The following CELF2 variants were observed in gnomAD, a reference collection of about 807,000 sequenced individuals.
CELF2 encodes CUGBP Elav-like family member 2.
In CELF2, 8 loss-of-function variants were observed where a neutral mutation model predicts 62.6. The observed-to-expected ratio is 0.13, with a 90% confidence interval of 0.07 to 0.23. The LOEUF (loss-of-function observed/expected upper bound fraction) is 0.23. Ranked by LOEUF, CELF2 falls within the 10% of genes least tolerant of loss-of-function variation. The pLI, the probability that CELF2 is intolerant of heterozygous loss-of-function variation, is 1.00. For missense variants in CELF2, 333 were observed against 671.0 expected (o/e 0.50, Z 5.56); for synonymous variants, 258 against 250.0 (o/e 1.03, Z -0.30).
chr10:10,584,957 TA>T, the CELF2 span, among the ~76,000 whole-genome samples: 3 of 152,058 alleles, frequency 2.0e-5, no homozygotes, highest in African/African-American at 7.2e-5. Flanking sequence ...TTGAGAGAAG[TA>T]AGTTTGATTT....
At chr10:10,509,700 A>C in the CELF2 span, among the ~76,000 whole-genome samples, 1 of 152,196 alleles carries the variant, frequency 6.6e-6, no homozygotes, top group Admixed American at 6.5e-5. Flanking sequence ...CTCTGCTGCC[A>C]TCTCTTGTCA....
chr10:11,041,226 GC>G (rs1437170384), intron 1 of CELF2, among the ~76,000 whole-genome samples: 1 of 152,138 alleles, frequency 6.6e-6, no homozygotes, highest in Non-Finnish European at 1.5e-5. Context: ...CTTCCCAAAG[GC>G]CCCACTTCCT....
chr10:11,172,466 G>T (rs1171236557), intron 2 of CELF2, among the ~76,000 whole-genome samples: 2 of 152,202 alleles, frequency 1.3e-5, no homozygotes, highest in Non-Finnish European at 2.9e-5. Flanking sequence ...TCTAGCCATT[G>T]TGCTGATTGA....
intron 2 of CELF2, among the ~76,000 whole-genome samples, chr10:11,176,178 C>G (rs1298070758): frequency 6.6e-6 from 1 of 152,178 alleles, no homozygotes; most frequent in African/African-American, 2.4e-5. Flanking sequence ...TCTCCTCTTT[C>G]CCCTTTTTCC....
chr10:10,933,988 T>C (rs548075341), intron 2 of CELF2, among the ~76,000 whole-genome samples: 1 of 152,336 alleles, frequency 6.6e-6, no homozygotes, highest in African/African-American at 2.4e-5. Flanking sequence ...CATATGGCAG[T>C]TCTATTTTTA....
At chr10:11,303,953 G>A (rs190800533) in intron 9 of CELF2, among the ~76,000 whole-genome samples, 42 of 152,352 alleles carry the variant, frequency 2.8e-4, no homozygotes, top group Non-Finnish European at 1.5e-5. Context: ...TTGGCAATGA[G>A]CAGCACGTGG....
chr10:11,292,812 G>T lies in CELF2; in HGVS notation c.976+4260G>T, dbSNP rs576738586. On this transcript the variant is annotated intron_variant, in intron 9 of 12. Transcript: ENST00000633077. ...ATTGTCCCAATGGCTGGTGTGACTT[G>T]GTCGCTGATCTTTGCAGCTGGCCCC... Among the ~76,000 whole-genome samples the T allele has an allele frequency of 2.0e-5, 3 of 152,262 alleles. No homozygotes were observed. The East Asian group carries it at 5.8e-4, about 29-fold the overall frequency.
intron 1 of CELF2, among the ~76,000 whole-genome samples, chr10:10,908,891 G>A (rs1468683349): frequency 2.0e-5 from 3 of 152,016 alleles, no homozygotes; most frequent in South Asian, 4.2e-4. Context: ...AGATTCAGCC[G>A]ATTCTCCTGC....
chr10:11,333,542 A>T lies in CELF2; in HGVS notation c.*4489A>T, dbSNP rs1056563044. On this transcript the variant is annotated 3_prime_UTR_variant, in exon 13 of 13. Coordinates refer to ENST00000633077, the MANE Select transcript of CELF2 (RefSeq NM_001326342.2). ...GTTTTTATTATCTTAAGTGCTAATTAAAAAAAAAATAAAATTTTAAAAAAA... is the reference window on the plus strand; with the variant it reads ...GTTTTTATTATCTTAAGTGCTAATTTAAAAAAAAATAAAATTTTAAAAAAA... The T allele has an allele frequency of 1.0e-4, 15 of 150,070 alleles. No homozygotes were observed. Among genetic ancestry groups the T allele is most frequent in the East Asian group, 1.9e-4 (1 of 5,156 alleles). The allele number at this position is 150,070 out of a possible 1,614,324, so 9.3% of individuals were successfully genotyped here. A position where few individuals can be genotyped will look rare whatever the true frequency, so the allele number is the denominator to read the frequency against.
the CELF2 span, among the ~76,000 whole-genome samples, chr10:10,621,649 C>A: frequency 6.6e-6 from 1 of 152,088 alleles, no homozygotes; most frequent in African/African-American, 2.4e-5. Context: ...TGTTATTATC[C>A]ATTTCACTCT....
At chr10:10,574,514 A>C in the CELF2 span, among the ~76,000 whole-genome samples, 1 of 152,170 alleles carries the variant, frequency 6.6e-6, no homozygotes, top group African/African-American at 2.4e-5. Flanking sequence ...CAAGGGATAA[A>C]TTTTTAATTC....
At chr10:10,963,964 T>C (rs2049841382) in intron 2 of CELF2, among the ~76,000 whole-genome samples, 1 of 152,230 alleles carries the variant, frequency 6.6e-6, no homozygotes, top group African/African-American at 2.4e-5. Flanking sequence ...AGAAGGATTC[T>C]TTCATAAACT....
chr10:11,018,361 GGGCGCGGGGCTTCCCGGAGGGACGAGC>G (rs2137855355), intron 1 of CELF2, among the ~76,000 whole-genome samples, 198 bp downstream of exon 1: 2 of 151,852 alleles, frequency 1.3e-5, no homozygotes, highest in South Asian at 4.1e-4. Flanking sequence ...CGGCGGTGCA[GGGCGCGGGGCTTCCCGGAGGGACGAGC>G]GGAGCGCGGC....
the CELF2 span, among the ~76,000 whole-genome samples, chr10:10,743,982 T>A: frequency 6.6e-6 from 1 of 152,232 alleles, no homozygotes; most frequent in South Asian, 2.1e-4. Flanking sequence ...CTTAGTAACT[T>A]CTTTTTCTTC....
chr10:10,687,298 G>T, the CELF2 span, among the ~76,000 whole-genome samples: 1 of 152,182 alleles, frequency 6.6e-6, no homozygotes, highest in South Asian at 2.1e-4. Flanking sequence ...AATTAACAGA[G>T]CTCACTTGAG....
At chr10:10,488,435 GA>G in the CELF2 span, among the ~76,000 whole-genome samples, 3 of 152,164 alleles carry the variant, frequency 2.0e-5, no homozygotes, top group Admixed American at 2.0e-4. Flanking sequence ...TTCATGGACA[GA>G]AGAGGTGATT....
At chr10:10,506,269 C>T in the CELF2 span, among the ~76,000 whole-genome samples, 1 of 146,714 alleles carries the variant, frequency 6.8e-6, no homozygotes, top group African/African-American at 2.5e-5. Context: ...AGATGCACTT[C>T]GTGTGTGTGT....
chr10:10,891,104 A>C (rs1202516600), intron 1 of CELF2, among the ~76,000 whole-genome samples: 1 of 152,204 alleles, frequency 6.6e-6, no homozygotes, highest in African/African-American at 2.4e-5. Context: ...TCATATGTTT[A>C]AAGTTATTTC....
intron 1 of CELF2, among the ~76,000 whole-genome samples, chr10:11,074,617 C>G (rs2071281941): frequency 6.6e-6 from 1 of 152,194 alleles, no homozygotes; most frequent in African/African-American, 2.4e-5. Context: ...GCCCTTCATT[C>G]CTGTCTGCGA....
Sources: allele counts gnomAD v4.1 joint callset (sites outside exome capture counted in the v4.1 genomes callset), GRCh38; gene constraint gnomAD v4.1.1; transcripts MANE v1.5; gene names NCBI Gene and HGNC (gene_info 2026-07-23, HGNC 2026-07-21).